Variants in HOMER1 observed in about 807,000 individuals in gnomAD.
HOMER1 encodes homer scaffold protein 1, also known as homer protein homolog 1.
A neutral mutation model predicts 48.9 loss-of-function variants in HOMER1; 3 were observed. The observed-to-expected ratio is 0.06, with a 90% CI of 0.03 to 0.16. The LOEUF is 0.16. Among genes scored for constraint, HOMER1 ranks in the 10% least tolerant of loss-of-function variants. The pLI, the probability that HOMER1 is intolerant of heterozygous loss-of-function variation, is 1.00. For missense variants in HOMER1, 247 were observed against 411.4 expected (o/e 0.60, Z 3.46); for synonymous variants, 134 against 146.4 (o/e 0.92, Z 0.61).
At chr5:79,448,518 C>T (rs1409460849) in intron 3 of HOMER1, among the ~76,000 whole-genome samples, 2 of 152,118 alleles carry the variant, frequency 1.3e-5, no homozygotes, top group African/African-American at 4.8e-5. Context: ...GAATTTTGCT[C>T]ATACCATTCA....
At chr5:79,424,226 G>A (rs1750180731) in intron 5 of HOMER1, among the ~76,000 whole-genome samples, 1 of 151,734 alleles carries the variant, frequency 6.6e-6, no homozygotes, top group Non-Finnish European at 1.5e-5. Context: ...CATATTTTGG[G>A]GAGGAAGTAC....
At chr5:79,493,625 C>T (rs1316399823) in intron 1 of HOMER1, among the ~76,000 whole-genome samples, 1 of 152,188 alleles carries the variant, frequency 6.6e-6, no homozygotes, top group Non-Finnish European at 1.5e-5. Flanking sequence ...TCCTTTCCTT[C>T]GGTCTATGAG....
intron 5 of HOMER1, among the ~76,000 whole-genome samples, chr5:79,422,485 G>C (rs572570896): frequency 9.9e-5 from 15 of 152,086 alleles, no homozygotes; most frequent in African/African-American, 3.4e-4. Flanking sequence ...ACAGAAGCAA[G>C]GGATTAAAGT....
intron 8 of HOMER1, among the ~76,000 whole-genome samples, chr5:79,384,840 AAC>A (rs1749068616): frequency 6.6e-6 from 1 of 152,230 alleles, no homozygotes; most frequent in Non-Finnish European, 1.5e-5. Context: ...AGGATGGTTT[AAC>A]ACAGAGAAAT....
At chr5:79,511,143 C>A (rs1255513588) in intron 1 of HOMER1, among the ~76,000 whole-genome samples, 1 of 152,186 alleles carries the variant, frequency 6.6e-6, no homozygotes, top group Non-Finnish European at 1.5e-5. Context: ...ATGCAGCCAT[C>A]AACATGAAAA....
intron 4 of HOMER1, among the ~76,000 whole-genome samples, chr5:79,439,468 C>T: frequency 6.6e-6 from 1 of 151,942 alleles, no homozygotes; most frequent in Non-Finnish European, 1.5e-5. Context: ...ACTAATTGGT[C>T]AGAATAAAAG....
chr5:79,454,855 T>C (rs979110035), intron 2 of HOMER1, among the ~76,000 whole-genome samples: 2 of 152,202 alleles, frequency 1.3e-5, no homozygotes, highest in African/African-American at 4.8e-5. Context: ...GTATAGTGAT[T>C]ACTATATACA....
chr5:79,379,169 T>C (rs1463918649), intron 8 of HOMER1, among the ~76,000 whole-genome samples: 1 of 108,130 alleles, frequency 9.2e-6, no homozygotes, highest in Non-Finnish European at 1.8e-5. Context: ...TATATTTATA[T>C]ATTATATATA....
intron 5 of HOMER1, among the ~76,000 whole-genome samples, chr5:79,416,350 A>G (rs959748577): frequency 6.6e-6 from 1 of 152,208 alleles, no homozygotes; most frequent in Admixed American, 6.5e-5. Flanking sequence ...AAGAAGTGGT[A>G]TGGTTAATTT....
At chr5:79,479,540 A>T (rs1751887460) in intron 1 of HOMER1, among the ~76,000 whole-genome samples, 1 of 152,190 alleles carries the variant, frequency 6.6e-6, no homozygotes, top group South Asian at 2.1e-4. Flanking sequence ...CCAGGAATGC[A>T]GTTCTAGAAG....
intron 5 of HOMER1, among the ~76,000 whole-genome samples, chr5:79,430,287 G>A (rs1483309219): frequency 6.6e-6 from 1 of 152,102 alleles, no homozygotes; most frequent in Non-Finnish European, 1.5e-5. Context: ...AATATCATTA[G>A]CCATCAATGA....
intron 5 of HOMER1, among the ~76,000 whole-genome samples, chr5:79,420,013 C>T (rs1045754159): frequency 3.9e-5 from 6 of 152,214 alleles, no homozygotes; most frequent in African/African-American, 1.4e-4. Flanking sequence ...ATCTGCATTA[C>T]GATTTGCATT....
intron 5 of HOMER1, among the ~76,000 whole-genome samples, chr5:79,412,462 G>A (rs1749836188): frequency 6.6e-6 from 1 of 152,156 alleles, no homozygotes; most frequent in Non-Finnish European, 1.5e-5. Flanking sequence ...GCTCTTAACA[G>A]TCTACACACT....
chr5:79,471,857 T>G, intron 1 of HOMER1, among the ~76,000 whole-genome samples: 1 of 152,212 alleles, frequency 6.6e-6, no homozygotes, highest in East Asian at 1.9e-4. Flanking sequence ...GGCCTTTGCC[T>G]GGAGTGCTCT....
At chr5:79,417,823 TTGGGAAATA>T in intron 5 of HOMER1, among the ~76,000 whole-genome samples, 1 of 152,304 alleles carries the variant, frequency 6.6e-6, no homozygotes, top group South Asian at 2.1e-4. Context: ...CATAGTGTTG[TTGGGAAATA>T]ATAATTTAAA....
At chr5:79,460,270 C>T (rs1751284374) in intron 1 of HOMER1, among the ~76,000 whole-genome samples, 1 of 152,104 alleles carries the variant, frequency 6.6e-6, no homozygotes, top group African/African-American at 2.4e-5. Context: ...AGTTCGAGAC[C>T]AGCTTAGGCA....
intron 8 of HOMER1, among the ~76,000 whole-genome samples, chr5:79,381,968 A>C (rs2112191398): frequency 6.6e-6 from 1 of 152,322 alleles, no homozygotes; most frequent in African/African-American, 2.4e-5. Flanking sequence ...CACTATAAAA[A>C]AGAATCAAAC....
chr5:79,376,305 A>C, intron 8 of HOMER1, 108 bp from the exon 9 acceptor site: 1 of 767,016 alleles, frequency 1.3e-6, no homozygotes, highest in Non-Finnish European at 2.0e-6. Context: ...TTTGACTGTC[A>C]GGATGAGCTG....
intron 8 of HOMER1, among the ~76,000 whole-genome samples, chr5:79,377,805 G>A (rs1159941820): frequency 6.6e-6 from 1 of 151,776 alleles, no homozygotes; most frequent in Non-Finnish European, 1.5e-5. Flanking sequence ...GTAGAAATAG[G>A]AAATAAAAAA....
Sources: allele counts gnomAD v4.1 joint callset (sites outside exome capture counted in the v4.1 genomes callset), GRCh38; gene constraint gnomAD v4.1.1; transcripts MANE v1.5; gene names NCBI Gene and HGNC (gene_info 2026-07-23, HGNC 2026-07-21).